CACNA1B: variants seen among roughly 807,000 people sequenced by gnomAD.
CACNA1B encodes voltage-dependent N-type calcium channel subunit alpha-1B.
In CACNA1B, 70 loss-of-function variants were observed where a neutral mutation model predicts 247.2. That is an observed-to-expected ratio of 0.28 (90% CI 0.23 to 0.35). The LOEUF is 0.35. Among genes scored for constraint, CACNA1B ranks in the 10% least tolerant of loss-of-function variants. The pLI is 1.00. For synonymous variants in CACNA1B, 1,231 were observed against 1,294.4 expected, an observed-to-expected ratio of 0.95 and a Z score of 1.05; for missense variants, 2,367 against 3,197.4, an observed-to-expected ratio of 0.74 and a Z score of 6.26.
intron 20 of CACNA1B, among the ~76,000 whole-genome samples, chr9:138,038,339 C>T (rs1396553087): frequency 1.3e-5 from 2 of 152,168 alleles, no homozygotes; most frequent in Admixed American, 1.3e-4. Flanking sequence ...GATCGTTGTG[C>T]ACACTTCCTG....
intron 15 of CACNA1B, 49 bp from the exon 16 acceptor site, chr9:138,006,717 TG>T: frequency 9.8e-7 from 1 of 1,024,762 alleles, no homozygotes; most frequent in Non-Finnish European, 1.5e-6. Context: ...TGCGTGTGTG[TG>T]GGGAAGGCGG....
At chr9:137,932,438 G>T (rs529903262) in intron 6 of CACNA1B, among the ~76,000 whole-genome samples, 1 of 152,306 alleles carries the variant, frequency 6.6e-6, no homozygotes, top group Admixed American at 6.5e-5. Context: ...CGGGAAAAAG[G>T]CTCCTTGTTT....
intron 3 of CACNA1B, among the ~76,000 whole-genome samples, chr9:137,907,115 C>T (rs754275477): frequency 1.3e-5 from 2 of 152,178 alleles, no homozygotes; most frequent in Non-Finnish European, 1.5e-5. Context: ...AATGATGTAG[C>T]GTGTGAGTGT....
chr9:137,945,408 C>T (rs977436018), intron 6 of CACNA1B, among the ~76,000 whole-genome samples: 1 of 152,204 alleles, frequency 6.6e-6, no homozygotes, highest in Non-Finnish European at 1.5e-5. Flanking sequence ...AAGGGCATCC[C>T]CACCTCTGGG....
chr9:138,017,045 G>A (rs1589070957), intron 18 of CACNA1B: 2 of 482,470 alleles, frequency 4.1e-6, no homozygotes, highest in East Asian at 6.0e-5. Context: ...GGCAGCCTGC[G>A]CCTACACTGG....
At position 137,879,065 on chromosome 9, in the gene CACNA1B, A is replaced by C; in HGVS notation, c.296A>C (p.Tyr99Ser). 6.2e-7 allele frequency: 1 copy of C among 1,610,612 alleles called. No homozygotes were observed. The highest frequency in any genetic ancestry group is 8.5e-7 in the Non-Finnish European group (1 of 1,177,752). Residue 99 changes from tyrosine to serine, a missense_variant, in exon 2 of 47, where the codon TAT (tyrosine) becomes TCT (serine). Around this residue, in one of 12 missense-constraint regions of CACNA1B, gnomAD observed 130 missense variants for 338.7 expected, o/e 0.38. Transcript: ENST00000371372. ...KRITEWPPFEYMILATIIANC... is the reference protein window; with the variant it reads ...KRITEWPPFESMILATIIANC... ...CTTAACTCACGCACTCCATTCGAGT[A>C]TATGATCCTGGCCACCATCATCGCC...
At chr9:138,101,159 G>A (rs769021985) in intron 37 of CACNA1B, 9 of 533,086 alleles carry the variant, frequency 1.7e-5, no homozygotes, top group Admixed American at 1.2e-4. Context: ...TGCGCCACCC[G>A]TTGGCTTAGG....
At position 137,971,944 on chromosome 9, in the gene CACNA1B, T is replaced by C. The variant is rs7847629; in HGVS notation, c.1543+352T>C. ...GGCCAGGCAGATGGGTGTCCTCCCC[T>C]GAGAGGGCTTCAGACCCACAGACAG... On this transcript the variant is annotated intron_variant, in intron 11 of 46. Transcript: ENST00000371372. This position sits in a 1 kb window ranked among gnomAD's most constrained non-coding sequence, Gnocchi z 4.4. 0.99 allele frequency among the ~76,000 whole-genome samples: 150,608 copies of C among 152,254 alleles called. 74,498 individuals are homozygous for C. The highest frequency in any genetic ancestry group is 1 in the East Asian group (5,166 of 5,166).
intron 39 of CACNA1B, among the ~76,000 whole-genome samples, chr9:138,109,183 A>T (rs181715263): frequency 1.3e-5 from 2 of 152,202 alleles, no homozygotes; most frequent in Non-Finnish European, 2.9e-5. Context: ...TGTATCATAG[A>T]CTCACTTATA....
chr9:138,028,478 G>A (rs1397381878), intron 20 of CACNA1B, among the ~76,000 whole-genome samples: 3 of 152,192 alleles, frequency 2.0e-5, no homozygotes, highest in African/African-American at 7.2e-5. Flanking sequence ...CTGATTACCA[G>A]TTAAAATAGC....
Position 138,120,724 on chromosome 9 carries a change from C to T in CACNA1B, c.6332C>T (p.Ser2111Phe). ...GAGCGCCGGCAGGAGCGGGGCCGGTCCCAGGAGCGGAGGCAGCCCTCATCC... is the reference window on the plus strand; with the variant it reads ...GAGCGCCGGCAGGAGCGGGGCCGGTTCCAGGAGCGGAGGCAGCCCTCATCC... ...ERERRQERGR[S>F]QERRQPSSSS... The change falls in exon 46 of 47, where the codon TCC (serine) becomes TTC (phenylalanine). Residue 2111 changes from serine (S) to phenylalanine (F), a missense_variant. This residue lies in a region of CACNA1B where 773 missense variants were observed against 779.4 expected (regional missense o/e 0.99). Coordinates refer to ENST00000371372, the MANE Select transcript of CACNA1B (RefSeq NM_000718.4). 1 of 1,536,502 alleles carries T rather than the reference C, an allele frequency of 6.5e-7. No individual in the cohort carries two copies. Among genetic ancestry groups the T allele is most frequent in the South Asian group, 1.2e-5 (1 of 82,192 alleles).
At chr9:138,112,967 T>C (rs2606355) in intron 40 of CACNA1B, among the ~76,000 whole-genome samples, 92,929 of 139,706 alleles carry the variant, frequency 0.67, 31,725 homozygotes, top group Middle Eastern at 0.79. Flanking sequence ...TGAGGGAGCA[T>C]GGGGAGGTGC....
rs533854414 is a variant in CACNA1B at position 138,083,508 on chromosome 9, G to A, written c.5094+5250G>A. Among the ~76,000 whole-genome samples the A allele has an allele frequency of 2.0e-5, 3 of 150,780 alleles. No homozygotes were observed. The South Asian group carries it at 6.3e-4, about 32-fold the overall frequency. On this transcript the variant is annotated intron_variant, in intron 36 of 46. Coordinates refer to ENST00000371372, the MANE Select transcript of CACNA1B (RefSeq NM_000718.4). ...GCAGTTCCCTGCATCCCAGGAAATG[G>A]TGCGTTGGCCACCCAGAGCAGTCAC...
intron 20 of CACNA1B, among the ~76,000 whole-genome samples, chr9:138,037,167 A>G (rs1242926876): frequency 1.3e-5 from 2 of 152,238 alleles, no homozygotes; most frequent in Non-Finnish European, 2.9e-5. Context: ...TGTTTGGTAC[A>G]GTCCTCTGTC....
At chr9:138,021,878 C>T (rs749289117) in intron 18 of CACNA1B, among the ~76,000 whole-genome samples, 10 of 152,218 alleles carry the variant, frequency 6.6e-5, no homozygotes, top group East Asian at 5.8e-4. Context: ...TCACTGCTGC[C>T]GCCAAGGCCA....
In CACNA1B at chr9:138,073,552, G is replaced by A. The variant is rs377465019; in HGVS notation, c.4739G>A (p.Arg1580His). ...GCTGCGCGGCTGATCAAGCTGCTCCGCCAGGGCTACACCATCCGCATCCTG... is the reference window on the plus strand; with the variant it reads ...GCTGCGCGGCTGATCAAGCTGCTCCACCAGGGCTACACCATCCGCATCCTG... ...FRAARLIKLL[R>H]QGYTIRILLW... Residue 1580 changes from arginine to histidine, a missense_variant, in exon 33 of 47, where the codon CGC becomes CAC. Physicochemically the swap from Arg to His is conservative, Grantham distance 29. Around this residue, in one of 12 missense-constraint regions of CACNA1B, gnomAD observed 436 missense variants for 679.5 expected, o/e 0.64. Coordinates refer to ENST00000371372, the MANE Select transcript of CACNA1B (RefSeq NM_000718.4). The surrounding 1 kb of genome is among the most constrained non-coding windows in gnomAD (Gnocchi z 6.4). 3 of 1,613,288 alleles carry A rather than the reference G, an allele frequency of 1.9e-6. No individual in the cohort carries two copies. The highest frequency in any genetic ancestry group is 2.5e-6 in the Non-Finnish European group (3 of 1,179,432).
At chr9:137,915,025 CA>C (rs1564887292) in intron 5 of CACNA1B, among the ~76,000 whole-genome samples, 1 of 152,116 alleles carries the variant, frequency 6.6e-6, no homozygotes, top group South Asian at 2.1e-4. Context: ...GGGAAGAAAA[CA>C]AAAAGGTATT....
intron 21 of CACNA1B, among the ~76,000 whole-genome samples, chr9:138,046,528 G>T (rs147009069): frequency 6.6e-6 from 1 of 152,244 alleles, no homozygotes; most frequent in Non-Finnish European, 1.5e-5. Flanking sequence ...GGTAGTTGAT[G>T]CTGTTGGCTT....
intron 18 of CACNA1B, among the ~76,000 whole-genome samples, chr9:138,016,507 C>G (rs1306992370): frequency 6.6e-6 from 1 of 152,216 alleles, no homozygotes; most frequent in Non-Finnish European, 1.5e-5. Flanking sequence ...TGGGTTGCAG[C>G]CTGGGGAGCC....
Sources: gnomAD v4.1 joint callset for allele counts (sites outside exome capture counted in the v4.1 genomes callset) on GRCh38, gnomAD v4.1.1 for gene constraint, gnomAD v4.1.1 regional missense constraint, Gnocchi (gnomAD v3.1) non-coding constraint, MANE v1.5 for transcripts, NCBI Gene and HGNC (gene_info 2026-07-23, HGNC 2026-07-21) for gene names.